The following FXR2 variants were observed in gnomAD, a reference collection of about 807,000 sequenced individuals.
The protein encoded by FXR2 is FMR1 autosomal homolog 2.
FXR2 carries 9 observed loss-of-function variants against 87.3 expected under a neutral mutation model. That is an observed-to-expected ratio of 0.10 (90% CI 0.06 to 0.18). The LOEUF is 0.18. FXR2 is among the 10% of genes least tolerant of loss of function. The probability of loss-of-function intolerance (pLI) is 1.00; values close to 1 mark genes in which losing one functional copy is unlikely to be tolerated. For synonymous variants in FXR2, 331 were observed against 328.3 expected, an observed-to-expected ratio of 1.01 and a Z score of -0.09; for missense variants, 661 against 893.6, an observed-to-expected ratio of 0.74 and a Z score of 3.32.
rs1373561162 is a variant in FXR2, at chr17:7,601,575, C to A, written c.544-50G>T. ...CATTAAAACTGGCTTGGAATAAACA[C>A]TAAGGGAGAGCCAGGGACTAGAAAT... is the stretch of plus-strand genomic sequence containing the variant. On this transcript the variant is annotated intron_variant, in intron 6 of 16. Transcript: ENST00000250113. 3 of 1,079,814 alleles carry A rather than the reference C, an allele frequency of 2.8e-6. No individual in the cohort carries two copies. In the Admixed American group the frequency reaches 5.1e-5, roughly 18 times the overall value. The allele number at this position is 1,079,814 out of a possible 1,614,324, so 66.9% of individuals were successfully genotyped here.
At chr17:7,609,755 TC>T (rs1232954413) in intron 1 of FXR2, among the ~76,000 whole-genome samples, 1 of 151,874 alleles carries the variant, frequency 6.6e-6, no homozygotes, top group Non-Finnish European at 1.5e-5. Flanking sequence ...TTTTATCCAT[TC>T]CCTCTTCTTT....
chr17:7,609,910 A>ATG (rs1001745533), intron 1 of FXR2, among the ~76,000 whole-genome samples: 8 of 139,216 alleles, frequency 5.7e-5, no homozygotes, highest in African/African-American at 1.6e-4. Flanking sequence ...ATACATATAT[A>ATG]TGTATATATA....
Position 7,592,686 on chromosome 17 carries a change from A to AC in FXR2, c.1729+7dup, listed in dbSNP as rs753257416. The AC allele has an allele frequency of 3.1e-6, 5 of 1,613,196 alleles. No individual in the cohort carries two copies. The African/African-American group carries it at 6.7e-5, about 22-fold the overall frequency. ...CTCTAACTTTCCAGACCCCAGGCAC[A>AC]CCCTCACCCAGGCCATTCTCTGTCA... On this transcript the variant is annotated splice_region_variant and intron_variant, in intron 14 of 16. Coordinates refer to ENST00000250113, the MANE Select transcript of FXR2 (RefSeq NM_004860.4). This position sits in a 1 kb window ranked among gnomAD's most constrained non-coding sequence, Gnocchi z 4.8.
chr17:7,592,030 C>G lies in FXR2; in HGVS notation c.1927-105G>C, dbSNP rs1387246172. ...CAAGCCCTCCTGGCATTTGGTGATC[C>G]AGAGGTTGGTTCCCTGATCTCATGA... On this transcript the variant is annotated intron_variant, in intron 16 of 16. Coordinates refer to ENST00000250113, the MANE Select transcript of FXR2 (RefSeq NM_004860.4). The surrounding 1 kb of genome is among the most constrained non-coding windows in gnomAD (Gnocchi z 4.8). The G allele has an allele frequency of 3.2e-6, 4 of 1,256,802 alleles. No homozygotes were observed. In the African/African-American group the frequency reaches 6.0e-5, roughly 19 times the overall value. 77.9% of individuals were successfully genotyped at this position (1,256,802 alleles called of 1,614,324 possible).
intron 7 of FXR2, among the ~76,000 whole-genome samples, chr17:7,600,764 G>C (rs924631095): frequency 6.6e-6 from 1 of 151,730 alleles, no homozygotes; most frequent in Non-Finnish European, 1.5e-5. Flanking sequence ...CAAGCCTGTA[G>C]TCCCAGCTAC....
In FXR2 at chr17:7,592,247, T is replaced by C; in HGVS notation, c.1926+7A>G. The C allele has an allele frequency of 1.2e-6, 2 of 1,602,452 alleles. No individual in the cohort carries two copies. The highest frequency in any genetic ancestry group is 1.1e-5 in the South Asian group (1 of 90,832). ...GGGATGGGGTAAAGCACATCTTGCCTGCCTACCTTCTGTCCTGAAAGAGAG... is the reference window on the plus strand; with the variant it reads ...GGGATGGGGTAAAGCACATCTTGCCCGCCTACCTTCTGTCCTGAAAGAGAG... On this transcript the variant is annotated splice_region_variant and intron_variant, in intron 16 of 16. Coordinates refer to ENST00000250113, the MANE Select transcript of FXR2 (RefSeq NM_004860.4). The surrounding 1 kb of genome is among the most constrained non-coding windows in gnomAD (Gnocchi z 4.8).
rs2071678937 is a variant in FXR2 at position 7,593,067 on chromosome 17, C to T, written c.1445G>A (p.Arg482Lys). The stretch of plus-strand genomic sequence containing the variant: ...CCTACCCCGGCCCCCAGTCGGCCGC[C>T]TCCGGCTTTCTTCCCCTCGGGTTGG... ...DPPTRGEESR[R>K]RPTGGRGRGP... Residue 482 changes from arginine (R) to lysine (K), a missense_variant, in exon 13 of 17, where the codon AGG (arginine) becomes AAG (lysine). Arg to Lys is a conservative substitution (Grantham distance 26). Around this residue, in one of 3 missense-constraint regions of FXR2, gnomAD observed 409 missense variants for 432.0 expected, o/e 0.95. Coordinates refer to ENST00000250113, the MANE Select transcript of FXR2 (RefSeq NM_004860.4). The surrounding 1 kb of genome is among the most constrained non-coding windows in gnomAD (Gnocchi z 6.1). 2.5e-6 allele frequency: 4 copies of T among 1,590,282 alleles called. No individual in the cohort carries two copies. The highest frequency in any genetic ancestry group is 3.4e-6 in the Non-Finnish European group (4 of 1,170,432).
Position 7,591,918 on chromosome 17 carries a change from G to A in FXR2, c.1934C>T (p.Ser645Phe). 2 of 1,575,754 alleles carry A rather than the reference G, an allele frequency of 1.3e-6. No individual in the cohort carries two copies. Among genetic ancestry groups the A allele is most frequent in the Middle Eastern group, 1.7e-4 (1 of 5,962 alleles). The change falls in exon 17 of 17, where the codon TCT becomes TTT. Residue 645 changes from serine (S) to phenylalanine (F), a missense_variant. Coordinates refer to ENST00000250113, the MANE Select transcript of FXR2 (RefSeq NM_004860.4). This position sits in a 1 kb window ranked among gnomAD's most constrained non-coding sequence, Gnocchi z 4.0. Reference protein sequence around the residue: ...EDSLSGQKGDSVSKLPKGPSE... With the variant: ...EDSLSGQKGDFVSKLPKGPSE... The stretch of plus-strand genomic sequence containing the variant: ...GGGGCCCTTAGGAAGCTTGCTGACA[G>A]AGTCACCCTGAGGGGAAAGTGGGAA...
Position 7,614,697 on chromosome 17 carries a change from G to GGGGGCC in FXR2, c.-171_-166dup, listed in dbSNP as rs1011347829. On this transcript the variant is annotated 5_prime_UTR_variant, in exon 1 of 17. Coordinates refer to ENST00000250113, the MANE Select transcript of FXR2 (RefSeq NM_004860.4). ...GCGGCCCTGCCACAGCCAACGAGCA[G>GGGGGCC]GGGGCCGGGGCCGGGCCGCTCCCCG... The GGGGGCC allele has an allele frequency of 1.9e-5, 6 of 321,692 alleles. No homozygotes were observed. The highest frequency in any genetic ancestry group is 1.5e-4 in the Admixed American group (3 of 19,838). 19.9% of individuals were successfully genotyped at this position (321,692 alleles called of 1,614,324 possible). A position where few individuals can be genotyped will look rare whatever the true frequency, so the allele number is the denominator to read the frequency against.
rs2071667948 is a variant in FXR2, at chr17:7,592,205, A to G, written c.1926+49T>C. 8 of 1,544,274 alleles carry G rather than the reference A, an allele frequency of 5.2e-6. No homozygotes were observed. The highest frequency in any genetic ancestry group is 6.2e-6 in the Non-Finnish European group (7 of 1,122,976). ...TGAAATTTTTTGTGCCCCCTGCCCC[A>G]GAGTAACAACAAAAAAGGGATGGGG... is the stretch of plus-strand genomic sequence containing the variant. On this transcript the variant is annotated intron_variant, in intron 16 of 16. Transcript: ENST00000250113. The surrounding 1 kb of genome is among the most constrained non-coding windows in gnomAD (Gnocchi z 4.8).
Position 7,595,516 on chromosome 17 carries a change from G to T in FXR2, c.831+308C>A, listed in dbSNP as rs541415183. Among the ~76,000 whole-genome samples the T allele has an allele frequency of 1.6e-4, 25 of 151,994 alleles. No homozygotes were observed. The highest frequency in any genetic ancestry group is 3.2e-4 in the Non-Finnish European group (22 of 67,960). ...AGGGTCTCTCTATGTTGTCCAGGTT[G>T]TTCTCCAACTCCCAGGCTCAAGTGA... is the stretch of plus-strand genomic sequence containing the variant. On this transcript the variant is annotated intron_variant, in intron 8 of 16. Transcript: ENST00000250113. This position sits in a 1 kb window ranked among gnomAD's most constrained non-coding sequence, Gnocchi z 4.7.
chr17:7,612,782 G>C (rs1433608535), intron 1 of FXR2, among the ~76,000 whole-genome samples: 1 of 151,948 alleles, frequency 6.6e-6, no homozygotes, highest in African/African-American at 2.4e-5. Flanking sequence ...GGATCACTAG[G>C]TCAGGAGATC....
chr17:7,614,488 G>A lies in FXR2; in HGVS notation c.45C>T (p.Pro15=), dbSNP rs771697202. Residue 15 remains proline (P), a synonymous_variant, in exon 1 of 17, where the codon CCC becomes CCT. Transcript: ENST00000250113. ...CCCCGTTGGAGCCGCGCACCTCGACGGGCAGTCCCGGCTCCACATCCCCCC... is the reference window on the plus strand; with the variant it reads ...CCCCGTTGGAGCCGCGCACCTCGACAGGCAGTCCCGGCTCCACATCCCCCC... The part of the protein sequence containing the change: ...ASGGDVEPGL[P]VEVRGSNGAF... 1.9e-6 allele frequency: 3 copies of A among 1,540,068 alleles called. No homozygotes were observed. The highest frequency in any genetic ancestry group is 1.4e-5 in the African/African-American group (1 of 71,914).
Position 7,591,643 on chromosome 17 carries a change from G to A in FXR2, c.*187C>T, listed in dbSNP as rs78125130. On this transcript the variant is annotated 3_prime_UTR_variant, in exon 17 of 17. Transcript: ENST00000250113. This position sits in a 1 kb window ranked among gnomAD's most constrained non-coding sequence, Gnocchi z 4.0. ...TACCCTGGGGGTAGGGTGGACAAGA[G>A]GGAGGGGGTATGACCCTGTTACACA... 1,068 of 612,694 alleles carry A rather than the reference G, an allele frequency of 1.7e-3. 7 individuals are homozygous for A. The highest frequency in any genetic ancestry group is 0.017 in the African/African-American group (943 of 54,460). The allele number at this position is 612,694 out of a possible 1,614,324, so 38.0% of individuals were successfully genotyped here.
chr17:7,614,010 A>G (rs2071905206), intron 1 of FXR2: 2 of 457,176 alleles, frequency 4.4e-6, no homozygotes, highest in Non-Finnish European at 8.7e-6. Context: ...GGAAGATGAA[A>G]GGATCTTTTA....
intron 1 of FXR2, among the ~76,000 whole-genome samples, chr17:7,610,376 C>T (rs913471980): frequency 6.6e-6 from 1 of 152,126 alleles, no homozygotes; most frequent in Non-Finnish European, 1.5e-5. Context: ...ATATTCAAAT[C>T]GGCTATGCCT....
rs2071686165 is a variant in FXR2 at position 7,593,710 on chromosome 17, A to G, written c.1108-85T>C. On this transcript the variant is annotated intron_variant, in intron 11 of 16. Coordinates refer to ENST00000250113, the MANE Select transcript of FXR2 (RefSeq NM_004860.4). The surrounding 1 kb of genome is among the most constrained non-coding windows in gnomAD (Gnocchi z 6.1). ...GCTTCTGCACCCTGACTGTCCCTCT[A>G]TATCTAACCTCTCAGGAATGCAGGG... 4.1e-6 allele frequency: 4 copies of G among 964,066 alleles called. No individual in the cohort carries two copies. Among genetic ancestry groups the G allele is most frequent in the South Asian group, 1.4e-5 (1 of 70,584 alleles). 59.7% of individuals were successfully genotyped at this position (964,066 alleles called of 1,614,324 possible).
chr17:7,607,260 G>A (rs1185539062), intron 1 of FXR2, among the ~76,000 whole-genome samples: 1 of 150,780 alleles, frequency 6.6e-6, no homozygotes, highest in Non-Finnish European at 1.5e-5. Context: ...AGAGGTTGCA[G>A]TGAGCCAAGA....
rs753377391 is a variant in FXR2, at chr17:7,593,177, G to C, written c.1335C>G (p.Pro445=). 1.1e-5 allele frequency: 17 copies of C among 1,517,070 alleles called. No homozygotes were observed. The highest frequency in any genetic ancestry group is 1.4e-5 in the Non-Finnish European group (16 of 1,133,884). The allele number at this position is 1,517,070 out of a possible 1,614,324, so 94.0% of individuals were successfully genotyped here. A position where few individuals can be genotyped will look rare whatever the true frequency, so the allele number is the denominator to read the frequency against. ...GRRTGGPAYG[P]SSDVSTASET... is the part of the protein sequence containing the mutation. The stretch of plus-strand genomic sequence containing the variant: ...CTGAAGCTGTAGACACATCTGAGCT[G>C]GGGCCTGAAGAACACAATGGGATTT... The change falls in exon 13 of 17, where the codon CCC becomes CCG. Residue 445 remains proline (P), a synonymous_variant. Coordinates refer to ENST00000250113, the MANE Select transcript of FXR2 (RefSeq NM_004860.4). The surrounding 1 kb of genome is among the most constrained non-coding windows in gnomAD (Gnocchi z 6.1).
Sources: gnomAD v4.1 joint callset for allele counts (sites outside exome capture counted in the v4.1 genomes callset) on GRCh38, gnomAD v4.1.1 for gene constraint, gnomAD v4.1.1 regional missense constraint, Gnocchi (gnomAD v3.1) non-coding constraint, MANE v1.5 for transcripts, NCBI Gene and HGNC (gene_info 2026-07-23, HGNC 2026-07-21) for gene names.